CSMD2: variants seen among roughly 807,000 people sequenced by gnomAD.
CSMD2 encodes CUB and sushi domain-containing protein 2.
CSMD2 carries 130 observed loss-of-function variants against 398.5 expected under a neutral mutation model. The observed-to-expected ratio is 0.33, with a 90% confidence interval of 0.28 to 0.38. The LOEUF is 0.38. CSMD2 is among the 10% of genes least tolerant of loss of function. CSMD2 has a pLI of 1.00. For missense variants in CSMD2, 3,829 were observed against 4,764.9 expected (o/e 0.80, Z 5.78); for synonymous variants, 1,828 against 1,908.5 (o/e 0.96, Z 1.10).
chr1:33,678,231 T>TC (rs1372261831), intron 25 of CSMD2, among the ~76,000 whole-genome samples: 1 of 150,678 alleles, frequency 6.6e-6, no homozygotes, highest in African/African-American at 2.4e-5. Context: ...ACTGAGGCCC[T>TC]CACCAAAAGG....
intron 55 of CSMD2, among the ~76,000 whole-genome samples, chr1:33,554,653 G>T (rs1657792163): frequency 6.6e-6 from 1 of 152,048 alleles, no homozygotes; most frequent in Admixed American, 6.6e-5. Flanking sequence ...AAATCCTAGG[G>T]CCCTTAAGAA....
chr1:33,550,186 G>A lies in CSMD2; in HGVS notation c.8908C>T (p.His2970Tyr). The change falls in exon 56 of 71, where the codon CAC becomes TAC. Residue 2970 changes from histidine to tyrosine, a missense_variant. Physicochemically the swap from His to Tyr is moderately conservative, Grantham distance 83 (BLOSUM62 2). Transcript: ENST00000373381. ...ATGCCATGCACCATACCTGAGCAGT[G>A]AGGGAGGGAGCCAGTCCAGTGTCCA... ...LDGHWTGSLP[H>Y]CSGTSVGVCG... 7 of 1,613,838 alleles carry A rather than the reference G, an allele frequency of 4.3e-6. No individual in the cohort carries two copies. The highest frequency in any genetic ancestry group is 5.9e-6 in the Non-Finnish European group (7 of 1,179,932).
At chr1:33,923,280 C>T (rs1278597363) in intron 4 of CSMD2, among the ~76,000 whole-genome samples, 1 of 152,034 alleles carries the variant, frequency 6.6e-6, no homozygotes, top group East Asian at 1.9e-4. Flanking sequence ...TGGTGCTGTC[C>T]TTGTGACAGT....
chr1:33,519,654 T>C lies in CSMD2; in HGVS notation c.10760A>G (p.Asn3587Ser), dbSNP rs145294754. The C allele has an allele frequency of 4.3e-6, 7 of 1,613,882 alleles. No homozygotes were observed. Among genetic ancestry groups the C allele is most frequent in the African/African-American group, 2.7e-5 (2 of 74,952 alleles). ...KHRRRPKVPF[N>S]GYAGHENTNV... is the part of the protein sequence containing the mutation. ...GGTGTTCTCGTGGCCAGCATAGCCA[T>C]TGAAAGGAACTTTGGGTCTTCTCCT... is the stretch of plus-strand genomic sequence containing the variant. The change falls in exon 70 of 71, where the codon AAT becomes AGT. Residue 3587 changes from asparagine (N) to serine (S), a missense_variant. Physicochemically the swap from Asn to Ser is conservative, Grantham distance 46 (BLOSUM62 1). Around this residue, in one of 5 missense-constraint regions of CSMD2, gnomAD observed 917 missense variants for 1,199.5 expected, o/e 0.76. Coordinates refer to ENST00000373381, the MANE Select transcript of CSMD2 (RefSeq NM_001281956.2). The surrounding 1 kb of genome is among the most constrained non-coding windows in gnomAD (Gnocchi z 5.6).
intron 4 of CSMD2, among the ~76,000 whole-genome samples, chr1:33,920,486 G>A (rs1393992123): frequency 6.9e-6 from 1 of 143,962 alleles, no homozygotes; most frequent in Non-Finnish European, 1.5e-5. Context: ...AGTTTGCAGT[G>A]AGCCGAGATT....
intron 2 of CSMD2, among the ~76,000 whole-genome samples, chr1:34,044,771 T>C (rs1652285973): frequency 6.6e-6 from 1 of 152,220 alleles, no homozygotes; most frequent in African/African-American, 2.4e-5. Flanking sequence ...CTTTATTGAA[T>C]GGTTCTCATT....
At position 34,038,052 on chromosome 1, in the gene CSMD2, G is replaced by T. The variant is rs1651370370; in HGVS notation, c.405-5346C>A. 2.0e-5 allele frequency among the ~76,000 whole-genome samples: 3 copies of T among 152,128 alleles called. No individual in the cohort carries two copies. The South Asian group carries it at 6.2e-4, about 32-fold the overall frequency. On this transcript the variant is annotated intron_variant, in intron 2 of 70. Coordinates refer to ENST00000373381, the MANE Select transcript of CSMD2 (RefSeq NM_001281956.2). ...GGATTCCTCAAAGGCGCTAGCTAAG[G>T]CTGGGGGAGGGGATGGGAAATTGAA...
chr1:34,153,955 A>G (rs1250539923), intron 1 of CSMD2, among the ~76,000 whole-genome samples: 5 of 152,258 alleles, frequency 3.3e-5, no homozygotes, highest in Admixed American at 3.3e-4. Flanking sequence ...TAGATGGATT[A>G]AAGACTAGAA....
chr1:33,713,629 G>A (rs1646063137), intron 21 of CSMD2, among the ~76,000 whole-genome samples: 1 of 152,126 alleles, frequency 6.6e-6, no homozygotes, highest in African/African-American at 2.4e-5. Flanking sequence ...GCTCTTGCAA[G>A]GAGGCTGGCA....
At chr1:33,590,841 C>T (rs772121274) in intron 44 of CSMD2, among the ~76,000 whole-genome samples, 14 of 152,188 alleles carry the variant, frequency 9.2e-5, no homozygotes, top group African/African-American at 3.4e-4. Flanking sequence ...ACGGTGGGGG[C>T]AATTGCTTTA....
At chr1:33,786,416 G>A (rs1653543580) in intron 12 of CSMD2, among the ~76,000 whole-genome samples, 1 of 152,252 alleles carries the variant, frequency 6.6e-6, no homozygotes, top group South Asian at 2.1e-4. Flanking sequence ...GACAGGGCTT[G>A]GACCTGAATC....
Position 33,763,576 on chromosome 1 carries a change from G to A in CSMD2, c.1846+8993C>T, listed in dbSNP as rs146544043. Among the ~76,000 whole-genome samples the A allele has an allele frequency of 2.4e-3, 363 of 152,288 alleles. 5 individuals are homozygous for A. The Middle Eastern group carries it at 0.041, about 17-fold the overall frequency. ...CAAGTGATGTATGTGACTCACACTGGCCTGGCAGGGAAAGTGTTGACTAAT... is the reference window on the plus strand; with the variant it reads ...CAAGTGATGTATGTGACTCACACTGACCTGGCAGGGAAAGTGTTGACTAAT... On this transcript the variant is annotated intron_variant, in intron 13 of 70. Transcript: ENST00000373381.
chr1:33,822,596 C>T (rs1557951416), intron 7 of CSMD2, among the ~76,000 whole-genome samples: 1 of 152,186 alleles, frequency 6.6e-6, no homozygotes, highest in Admixed American at 6.5e-5. Flanking sequence ...ACCTCCAAAG[C>T]TTTCACATCC....
At chr1:34,075,032 G>A (rs1460311383) in intron 2 of CSMD2, among the ~76,000 whole-genome samples, 1 of 152,236 alleles carries the variant, frequency 6.6e-6, no homozygotes, top group East Asian at 1.9e-4. Context: ...TAAGTTCCTT[G>A]AAGGCAGAAG....
intron 12 of CSMD2, among the ~76,000 whole-genome samples, chr1:33,773,658 G>A (rs547796255): frequency 6.6e-6 from 1 of 152,330 alleles, no homozygotes; most frequent in East Asian, 1.9e-4. Flanking sequence ...GGAGGGGGTG[G>A]TGGAGGGGAG....
chr1:33,740,161 G>C (rs990029772), intron 14 of CSMD2, among the ~76,000 whole-genome samples: 1 of 152,168 alleles, frequency 6.6e-6, no homozygotes, highest in African/African-American at 2.4e-5. Flanking sequence ...GCTCACTGAA[G>C]ATGAGTTCCC....
intron 3 of CSMD2, among the ~76,000 whole-genome samples, chr1:34,007,157 T>C (rs1354569766): frequency 2.6e-5 from 4 of 151,962 alleles, no homozygotes; most frequent in African/African-American, 9.7e-5. Flanking sequence ...CGCCTCGACC[T>C]GAAGCTCCCT....
rs16835754 is a variant in CSMD2, at chr1:33,721,658, C to A, written c.3001+2539G>T. Among the ~76,000 whole-genome samples the A allele has an allele frequency of 3.3e-5, 5 of 152,104 alleles. 1 individual carries two copies. Among genetic ancestry groups the A allele is most frequent in the African/African-American group, 1.2e-4 (5 of 41,464 alleles). On this transcript the variant is annotated intron_variant, in intron 19 of 70. Transcript: ENST00000373381. The stretch of plus-strand genomic sequence containing the variant: ...GTTGTGGGAAGCGGACAATCCTGGG[C>A]CTCACCCTGACCACCTGGCTAGTCT...
At chr1:33,787,403 C>T (rs998722711) in intron 12 of CSMD2, among the ~76,000 whole-genome samples, 8 of 152,192 alleles carry the variant, frequency 5.3e-5, no homozygotes, top group African/African-American at 1.9e-4. Context: ...ACTGAAGGGA[C>T]ACCTTCTCCC....
Sources: gnomAD v4.1 joint callset for allele counts (sites outside exome capture counted in the v4.1 genomes callset) on GRCh38, gnomAD v4.1.1 for gene constraint, gnomAD v4.1.1 regional missense constraint, Gnocchi (gnomAD v3.1) non-coding constraint, MANE v1.5 for transcripts, NCBI Gene and HGNC (gene_info 2026-07-23, HGNC 2026-07-21) for gene names.